The following SLC4A4 variants were observed in gnomAD, a reference collection of about 807,000 sequenced individuals.
SLC4A4 encodes electrogenic sodium bicarbonate cotransporter 1.
A neutral mutation model predicts 111.5 loss-of-function variants in SLC4A4; 27 were observed. That is an observed-to-expected ratio of 0.24 (90% CI 0.18 to 0.33). The LOEUF (loss-of-function observed/expected upper bound fraction) is 0.33, where lower values mean the gene tolerates loss of function less well. Among genes scored for constraint, SLC4A4 ranks in the 10% least tolerant of loss-of-function variants. The pLI, the probability that SLC4A4 is intolerant of heterozygous loss-of-function variation, is 1.00. For missense variants in SLC4A4, 909 were observed against 1,315.5 expected, an observed-to-expected ratio of 0.69 and a Z score of 4.78; for synonymous variants, 443 against 463.4, an observed-to-expected ratio of 0.96 and a Z score of 0.57.
intron 3 of SLC4A4, among the ~76,000 whole-genome samples, chr4:71,282,546 A>G (rs955244191): frequency 6.6e-6 from 1 of 151,786 alleles, no homozygotes; most frequent in Admixed American, 6.6e-5. Context: ...CGGCCTCCCA[A>G]AGTGCTGGGA....
At chr4:71,444,728 C>A (rs1168524334) in intron 8 of SLC4A4, among the ~76,000 whole-genome samples, 1 of 152,186 alleles carries the variant, frequency 6.6e-6, no homozygotes, top group African/African-American at 2.4e-5. Context: ...GCAGAGGGAA[C>A]TTCAACTTGT....
intron 2 of SLC4A4, among the ~76,000 whole-genome samples, chr4:71,168,221 G>A (rs1321833064): frequency 9.7e-6 from 1 of 103,102 alleles, no homozygotes; most frequent in South Asian, 3.2e-4. Context: ...TCATTCTGTT[G>A]CTCAGGCTGG....
At chr4:71,533,721 T>C (rs1734148781) in intron 17 of SLC4A4, among the ~76,000 whole-genome samples, 1 of 152,056 alleles carries the variant, frequency 6.6e-6, no homozygotes, top group African/African-American at 2.4e-5. Context: ...TTTATATATA[T>C]TATGAAGCTG....
chr4:71,363,221 A>G (rs1377451946), intron 6 of SLC4A4, among the ~76,000 whole-genome samples: 2 of 152,158 alleles, frequency 1.3e-5, no homozygotes, highest in African/African-American at 2.4e-5. Context: ...AAAGAAATCA[A>G]TTTTTATGTT....
intron 1 of SLC4A4, among the ~76,000 whole-genome samples, chr4:71,068,061 CGTTTTTTTT>C (rs1741571290): frequency 7.6e-6 from 1 of 132,374 alleles, no homozygotes; most frequent in East Asian, 2.2e-4. Flanking sequence ...TTTGAACAAA[CGTTTTTTTT>C]TTTTTTTTTT....
At chr4:71,182,714 T>TCACACACACA (rs77414889), upstream of SLC4A4, among the ~76,000 whole-genome samples, 1 of 146,338 alleles carries the variant, frequency 6.8e-6, no homozygotes, top group African/African-American at 2.5e-5. Flanking sequence ...TATGTACATT[T>TCACACACACA]CACACACACA....
At chr4:71,138,187 G>A (rs944275649) in intron 2 of SLC4A4, among the ~76,000 whole-genome samples, 17 of 152,282 alleles carry the variant, frequency 1.1e-4, no homozygotes, top group African/African-American at 3.4e-4. Context: ...ATAAAACACA[G>A]TCAGAGGGGT....
At chr4:71,480,247 C>T (rs971624605) in intron 14 of SLC4A4, among the ~76,000 whole-genome samples, 5 of 151,256 alleles carry the variant, frequency 3.3e-5, no homozygotes, top group African/African-American at 7.3e-5. Flanking sequence ...AGCACACCAT[C>T]GTAGATGAAC....
At chr4:71,429,197 C>G (rs1723424295) in intron 7 of SLC4A4, among the ~76,000 whole-genome samples, 1 of 151,924 alleles carries the variant, frequency 6.6e-6, no homozygotes, top group African/African-American at 2.4e-5. Context: ...TATAGATAAC[C>G]TAAAATATGT....
chr4:71,486,994 G>A lies in SLC4A4; in HGVS notation c.1950G>A (p.Leu650=), dbSNP rs769329313. The A allele has an allele frequency of 1.2e-5, 19 of 1,600,158 alleles. No individual in the cohort carries two copies. The highest frequency in any genetic ancestry group is 1.6e-5 in the Non-Finnish European group (19 of 1,169,264). ...SNDTTLAPEY[L]PTMSSTDMYH... Reference sequence around the variant, plus strand: ...ACACCACACTGGCCCCAGAGTATTTGCCAACTATGTCTTCTACTGACATGG... The same window carrying A: ...ACACCACACTGGCCCCAGAGTATTTACCAACTATGTCTTCTACTGACATGG... Residue 650 remains leucine (L), a synonymous_variant, in exon 15 of 26, where the codon TTG becomes TTA. Transcript: ENST00000264485.
At chr4:71,281,015 T>G (rs1274628057) in intron 3 of SLC4A4, among the ~76,000 whole-genome samples, 1 of 152,180 alleles carries the variant, frequency 6.6e-6, no homozygotes, top group Admixed American at 6.5e-5. Context: ...AAGGAGAGAA[T>G]TAATATATAT....
At chr4:71,501,271 A>G (rs1730899833) in intron 16 of SLC4A4, among the ~76,000 whole-genome samples, 1 of 152,026 alleles carries the variant, frequency 6.6e-6, no homozygotes, top group African/African-American at 2.4e-5. Context: ...GTCTATAGAA[A>G]CACTACTGAA....
At chr4:71,289,837 G>A (rs563139443) in intron 3 of SLC4A4, among the ~76,000 whole-genome samples, 5 of 152,330 alleles carry the variant, frequency 3.3e-5, no homozygotes, top group African/African-American at 9.6e-5. Context: ...TTCCATGGCC[G>A]TGGATAATTT....
rs868844611 is a variant in SLC4A4 at position 71,466,267 on chromosome 4, A to G, written c.1498-177A>G. ...CCATGACTAAATTGTAGGTGAAATA[A>G]ATGTGAAATAAGTGGTGGCAATATG... On this transcript the variant is annotated intron_variant, in intron 12 of 25. Coordinates refer to ENST00000264485, the MANE Select transcript of SLC4A4 (RefSeq NM_001098484.3). 7.9e-5 allele frequency among the ~76,000 whole-genome samples: 12 copies of G among 152,278 alleles called. No homozygotes were observed. The Middle Eastern group carries it at 0.01, about 129-fold the overall frequency.
intron 7 of SLC4A4, among the ~76,000 whole-genome samples, chr4:71,411,607 C>CT (rs1721369205): frequency 6.6e-6 from 1 of 151,972 alleles, no homozygotes. Flanking sequence ...CTTGCAAGCT[C>CT]AGCAAGGTTA....
intron 6 of SLC4A4, among the ~76,000 whole-genome samples, chr4:71,377,989 C>T (rs1400863108): frequency 7.9e-5 from 12 of 151,894 alleles, no homozygotes; most frequent in Admixed American, 7.9e-4. Flanking sequence ...GAGGAATAAG[C>T]AAAAGCAGAA....
chr4:71,102,955 A>G (rs1433795599), intron 2 of SLC4A4, among the ~76,000 whole-genome samples: 7 of 149,886 alleles, frequency 4.7e-5, no homozygotes, highest in African/African-American at 1.7e-4. Context: ...TAAATGCTCC[A>G]ATTAAAAGAC....
intron 7 of SLC4A4, among the ~76,000 whole-genome samples, chr4:71,414,588 A>G (rs1721676306): frequency 6.6e-6 from 1 of 152,204 alleles, no homozygotes; most frequent in Admixed American, 6.5e-5. Context: ...AGAGAAGTCT[A>G]TGTTTTTTAT....
rs1163172841 is a variant in SLC4A4, at chr4:71,103,177, C to T, written c.-2+10385C>T. 4.3e-4 allele frequency among the ~76,000 whole-genome samples: 65 copies of T among 151,250 alleles called. 1 individual carries two copies. The highest frequency in any genetic ancestry group is 1.5e-3 in the African/African-American group (62 of 41,252). ...CAAAGATCAAAAGAGACAAAGAAGG[C>T]CATTACATAATGGTAAAGGGATCAA... On this transcript the variant is annotated intron_variant, in intron 2 of 26. Coordinates refer to the SLC4A4 transcript ENST00000649996.
Sources: allele counts gnomAD v4.1 joint callset (sites outside exome capture counted in the v4.1 genomes callset), GRCh38; gene constraint gnomAD v4.1.1; transcripts MANE v1.5; gene names NCBI Gene and HGNC (gene_info 2026-07-23, HGNC 2026-07-21).